Variants in GPD2 observed in about 807,000 individuals in gnomAD.
GPD2 encodes glycerol-3-phosphate dehydrogenase 2.
Under a neutral mutation model 82.4 loss-of-function variants are expected in GPD2, and 54 were observed. The ratio of observed to expected loss-of-function variants is 0.66; its 90% confidence interval spans 0.53 to 0.82. The LOEUF (loss-of-function observed/expected upper bound fraction) is 0.82, where lower values mean the gene tolerates loss of function less well. Ranked by LOEUF, GPD2 falls within the 40% of genes least tolerant of loss-of-function variation. GPD2 has a pLI of 0.00. For synonymous variants in GPD2, 288 were observed against 306.1 expected (o/e 0.94, Z 0.62); for missense variants, 748 against 896.2 (o/e 0.83, Z 2.11).
chr2:156,557,348 C>A (rs1686999985), intron 8 of GPD2, 41 bp from the exon 9 acceptor site: 1 of 1,238,732 alleles, frequency 8.1e-7, no homozygotes, highest in Non-Finnish European at 1.2e-6. Flanking sequence ...TGTTAAACTT[C>A]TGGGATTTTC....
At chr2:156,486,356 G>T (rs541254784) in intron 2 of GPD2, among the ~76,000 whole-genome samples, 1 of 152,176 alleles carries the variant, frequency 6.6e-6, no homozygotes, top group Non-Finnish European at 1.5e-5. Context: ...TACTTCTATA[G>T]GTCACTCAGT....
chr2:156,510,861 T>C lies in GPD2; in HGVS notation c.340T>C (p.Leu114=), dbSNP rs1228004517. 1 of 1,612,860 alleles carries C rather than the reference T, an allele frequency of 6.2e-7. No individual in the cohort carries two copies. The highest frequency in any genetic ancestry group is 1.3e-5 in the African/African-American group (1 of 74,912). ...SSGTSSRSTK[L]IHGGVRYLQK... is the part of the protein sequence containing the mutation. Reference sequence around the variant, plus strand: ...AGGGACCAGCAGCAGAAGCACTAAATTGATCCATGGTGGTGTGAGATATCT... The same window carrying C: ...AGGGACCAGCAGCAGAAGCACTAAACTGATCCATGGTGGTGTGAGATATCT... The change falls in exon 4 of 17, where the codon TTG becomes CTG. Residue 114 remains leucine, a synonymous_variant. Transcript: ENST00000438166.
At chr2:156,473,577 C>T (rs1683403618) in intron 1 of GPD2, 1 of 152,184 alleles carries the variant, frequency 6.6e-6, no homozygotes. Context: ...CAATCAGTCA[C>T]AACACTCATA....
chr2:156,504,794 AAC>A (rs1346968652), intron 3 of GPD2, among the ~76,000 whole-genome samples: 2 of 152,106 alleles, frequency 1.3e-5, no homozygotes, highest in Non-Finnish European at 2.9e-5. Context: ...GTTTACAATA[AAC>A]AGTGTTAAAT....
intron 2 of GPD2, among the ~76,000 whole-genome samples, chr2:156,476,628 T>G (rs1683523178): frequency 6.6e-6 from 1 of 152,266 alleles, no homozygotes; most frequent in African/African-American, 2.4e-5. Flanking sequence ...CCTGGTTTTA[T>G]TTCTTCAAGG....
At chr2:156,416,459 T>C in the GPD2 span, among the ~76,000 whole-genome samples, 3 of 151,604 alleles carry the variant, frequency 2.0e-5, no homozygotes, top group African/African-American at 7.3e-5. Flanking sequence ...GGTATCCCCT[T>C]GCCTCAGTCT....
the GPD2 span, among the ~76,000 whole-genome samples, chr2:156,421,524 T>A: frequency 6.6e-6 from 1 of 152,208 alleles, no homozygotes; most frequent in Non-Finnish European, 1.5e-5. Flanking sequence ...CGTGTTAACA[T>A]TTTAGGTGCT....
At position 156,579,111 on chromosome 2, in the gene GPD2, G is replaced by C. The variant is rs952705376; in HGVS notation, c.1906G>C (p.Asp636His). The C allele has an allele frequency of 6.2e-7, 1 of 1,609,044 alleles. No homozygotes were observed. Among genetic ancestry groups the C allele is most frequent in the East Asian group, 2.2e-5 (1 of 44,748 alleles). The change falls in exon 15 of 17, where the codon GAT becomes CAT. Residue 636 changes from aspartate to histidine, a missense_variant. Coordinates refer to ENST00000438166, the MANE Select transcript of GPD2 (RefSeq NM_000408.5). ...DRYKKRFHKFDADQKGFITIV... is the reference protein window; with the variant it reads ...DRYKKRFHKFHADQKGFITIV... ...GTATAAGAAGAGATTTCATAAGTTT[G>C]ATGCAGACCAGAAAGGCTTTATTAC...
At position 156,542,929 on chromosome 2, in the gene GPD2, T is replaced by C. The variant is rs150724934; in HGVS notation, c.662-6679T>C. Among the ~76,000 whole-genome samples the C allele has an allele frequency of 5.3e-5, 8 of 152,288 alleles. No homozygotes were observed. In the East Asian group the frequency reaches 1.2e-3, roughly 22 times the overall value. On this transcript the variant is annotated intron_variant, in intron 6 of 16. Coordinates refer to ENST00000438166, the MANE Select transcript of GPD2 (RefSeq NM_000408.5). ...TCTTCCTCATTAGAATGAAGTTCCA[T>C]AGGACAGAGACCAAGGTAATCTTAT...
intron 6 of GPD2, among the ~76,000 whole-genome samples, chr2:156,517,461 T>A (rs1448772957): frequency 6.6e-6 from 1 of 152,238 alleles, no homozygotes; most frequent in East Asian, 1.9e-4. Flanking sequence ...GTAAATGACA[T>A]ACCAGTTTTT....
At chr2:156,572,064 A>T (rs1250825590) in intron 13 of GPD2, among the ~76,000 whole-genome samples, 1 of 152,140 alleles carries the variant, frequency 6.6e-6, no homozygotes, top group East Asian at 1.9e-4. Flanking sequence ...TTACTTGGCC[A>T]ATTAGCAGCA....
the GPD2 span, among the ~76,000 whole-genome samples, chr2:156,401,185 C>T: frequency 7.2e-5 from 11 of 152,302 alleles, no homozygotes; most frequent in Admixed American, 1.3e-4. Flanking sequence ...TCCCGCGTGG[C>T]AGGCGAGAAT....
intron 6 of GPD2, 152 bp downstream of exon 6, chr2:156,513,648 T>C (rs773792333): frequency 2.6e-5 from 18 of 681,392 alleles, no homozygotes; most frequent in Non-Finnish European, 4.6e-5. Context: ...CACCATTTTC[T>C]CTAACGGTGG....
chr2:156,512,682 A>G (rs1224622905), intron 5 of GPD2, among the ~76,000 whole-genome samples: 3 of 152,182 alleles, frequency 2.0e-5, no homozygotes, highest in Non-Finnish European at 4.4e-5. Flanking sequence ...TAAAATGTAA[A>G]CATACCACAT....
the GPD2 span, among the ~76,000 whole-genome samples, chr2:156,401,133 T>C: frequency 8.5e-5 from 13 of 152,292 alleles, no homozygotes; most frequent in South Asian, 1.4e-3. Context: ...AGAAAAAAAC[T>C]AGAAGTCAAA....
upstream of GPD2, among the ~76,000 whole-genome samples, chr2:156,434,185 C>T (rs897299263): frequency 2.0e-5 from 3 of 152,136 alleles, no homozygotes; most frequent in Non-Finnish European, 4.4e-5. Flanking sequence ...CTCACTGTAA[C>T]CTCTGCCTCC....
At chr2:156,554,149 A>G (rs545779732) in intron 8 of GPD2, among the ~76,000 whole-genome samples, 42 of 152,288 alleles carry the variant, frequency 2.8e-4, no homozygotes, top group Admixed American at 1.0e-3. Flanking sequence ...CTGGCATCCC[A>G]TAGGGGTGGT....
intron 8 of GPD2, among the ~76,000 whole-genome samples, chr2:156,557,115 T>C (rs1400302605): frequency 2.0e-5 from 3 of 152,216 alleles, no homozygotes; most frequent in African/African-American, 7.2e-5. Context: ...TGAAGCCCAC[T>C]TTCTTAATTA....
intron 6 of GPD2, among the ~76,000 whole-genome samples, chr2:156,545,844 G>A (rs1334650083): frequency 6.6e-6 from 1 of 152,164 alleles, no homozygotes; most frequent in East Asian, 1.9e-4. Flanking sequence ...GAGGAGAGCA[G>A]TATTGCTGTC....
Sources: allele counts gnomAD v4.1 joint callset (sites outside exome capture counted in the v4.1 genomes callset), GRCh38; gene constraint gnomAD v4.1.1; transcripts MANE v1.5; gene names NCBI Gene and HGNC (gene_info 2026-07-23, HGNC 2026-07-21).